PLS3: variants seen among roughly 807,000 people sequenced by gnomAD.
PLS3 encodes plastin 3.
PLS3 carries 11 observed loss-of-function variants against 46.5 expected under a neutral mutation model. The observed-to-expected ratio is 0.24, with a 90% CI of 0.15 to 0.39. The LOEUF (loss-of-function observed/expected upper bound fraction) is 0.39, where lower values mean the gene tolerates loss of function less well. PLS3 is among the 10% of genes least tolerant of loss of function. The probability of loss-of-function intolerance (pLI) is 1.00; values close to 1 mark genes in which losing one functional copy is unlikely to be tolerated. For missense variants in PLS3, 308 were observed against 461.8 expected (o/e 0.67, Z 3.05); for synonymous variants, 167 against 162.2 (o/e 1.03, Z -0.22).
At chrX:115,581,555 T>C (rs782497850) in intron 1 of PLS3, among the ~76,000 whole-genome samples, 19 of 112,019 alleles carry the variant, frequency 1.7e-4, no homozygotes, top group Non-Finnish European at 3.0e-4. Context: ...ACTGAAGAGA[T>C]AATGTCACCT....
chrX:115,593,598 G>T (rs370675011), intron 1 of PLS3: 1 of 110,974 alleles, frequency 9.0e-6, no homozygotes, highest in Admixed American at 9.7e-5. Flanking sequence ...TATCAGTGCT[G>T]CGAGAAAGGA....
intron 7 of PLS3, among the ~76,000 whole-genome samples, chrX:115,635,934 G>T (rs990760428): frequency 9.2e-6 from 1 of 108,730 alleles, no homozygotes; most frequent in African/African-American, 3.3e-5. Flanking sequence ...AGGTTGCAGC[G>T]AGCCGAGATC....
chrX:115,565,607 G>A (rs2074167256), intron 1 of PLS3, among the ~76,000 whole-genome samples: 1 of 111,706 alleles, frequency 9.0e-6, no homozygotes, highest in African/African-American at 3.2e-5. Flanking sequence ...TTGGTTTGCT[G>A]GGTTTTATTT....
intron 13 of PLS3, among the ~76,000 whole-genome samples, chrX:115,647,149 T>TA (rs2074959586): frequency 9.0e-6 from 1 of 111,577 alleles, no homozygotes; most frequent in African/African-American, 3.3e-5. Context: ...TTAAGGAATA[T>TA]AGGGGCCAGG....
chrX:115,644,702 G>C (rs782803720), intron 10 of PLS3, among the ~76,000 whole-genome samples: 1 of 111,552 alleles, frequency 9.0e-6, no homozygotes, highest in East Asian at 2.8e-4. Flanking sequence ...GATAACATCA[G>C]TTACTTTGAG....
chrX:115,620,317 T>C (rs1556637324), intron 2 of PLS3, among the ~76,000 whole-genome samples: 1 of 111,262 alleles, frequency 9.0e-6, no homozygotes, highest in East Asian at 2.8e-4. Context: ...ACTTTGCATT[T>C]GCTATTTTCT....
rs1401624009 is a variant in PLS3, at chrX:115,561,181, CAA to C, written c.-86_-85del. On this transcript the variant is annotated 5_prime_UTR_variant, in exon 1 of 16. Transcript: ENST00000355899. ...AGCGCTGGCTTTAGAGCCACAGCTGCAAAGATTCCGAGGTGCAGAAGTTGTCT... is the reference window on the plus strand; with the variant it reads ...AGCGCTGGCTTTAGAGCCACAGCTGCAGATTCCGAGGTGCAGAAGTTGTCT... The C allele has an allele frequency of 1.8e-5, 2 of 112,572 alleles. No individual in the cohort carries two copies. Among genetic ancestry groups the C allele is most frequent in the Admixed American group, 9.4e-5 (1 of 10,648 alleles). The allele number at this position is 112,572 out of a possible 1,213,427, so 9.3% of individuals were successfully genotyped here.
Position 115,622,253 on chromosome X carries a change from C to T in PLS3, c.81C>T (p.Asn27=). The change falls in exon 3 of 16, where the codon AAC becomes AAT. Residue 27 remains asparagine (N), a synonymous_variant. Coordinates refer to ENST00000355899, the MANE Select transcript of PLS3 (RefSeq NM_005032.7). ...LKEAFAKVDL[N]SNGFICDYEL... ...CTCTCCTTTTTTACAAAGATCTCAA[C>T]AGCAACGGATTCATTTGTGACTATG... 8.4e-7 allele frequency: 1 copy of T among 1,195,892 alleles called. No individual in the cohort carries two copies. The highest frequency in any genetic ancestry group is 1.1e-6 in the Non-Finnish European group (1 of 888,197).
At chrX:115,577,688 G>A (rs1158215218) in intron 1 of PLS3, among the ~76,000 whole-genome samples, 1 of 110,854 alleles carries the variant, frequency 9.0e-6, no homozygotes, top group Non-Finnish European at 1.9e-5. Flanking sequence ...ATGTTGGCCA[G>A]GCTGATCTGG....
intron 9 of PLS3, among the ~76,000 whole-genome samples, chrX:115,642,123 T>A (rs1425299615): frequency 9.5e-6 from 1 of 105,486 alleles, no homozygotes; most frequent in East Asian, 3.1e-4. Context: ...AAGCAATCCT[T>A]CTGCCTCGGC....
intron 2 of PLS3, among the ~76,000 whole-genome samples, chrX:115,615,429 A>C (rs1327791540): frequency 9.3e-6 from 1 of 107,030 alleles, no homozygotes; most frequent in Non-Finnish European, 1.9e-5. Context: ...TACTTGGTAA[A>C]AGAGAATAAT....
intron 1 of PLS3, among the ~76,000 whole-genome samples, chrX:115,563,697 C>G (rs1285917394): frequency 8.9e-6 from 1 of 112,007 alleles, no homozygotes; most frequent in African/African-American, 3.2e-5. Context: ...GACCGGAGCA[C>G]TCCAGTTTCT....
chrX:115,636,814 G>A, intron 7 of PLS3, 22 bp from the exon 8 acceptor site: 2 of 1,133,747 alleles, frequency 1.8e-6, no homozygotes, highest in Non-Finnish European at 1.2e-6. Flanking sequence ...ATAACTGTGG[G>A]ATTTTTTTTT....
intron 7 of PLS3, 128 bp downstream of exon 7, chrX:115,635,174 T>C (rs2074818162): frequency 1.1e-5 from 6 of 532,577 alleles, no homozygotes; most frequent in South Asian, 7.7e-5. Context: ...GGTAATGCTA[T>C]AGAGTTATTC....
intron 3 of PLS3, among the ~76,000 whole-genome samples, chrX:115,623,468 C>T (rs1170645356): frequency 1.8e-5 from 2 of 111,901 alleles, no homozygotes; most frequent in African/African-American, 6.5e-5. Flanking sequence ...CTGCAGTGAG[C>T]TGTGATAACA....
At chrX:115,635,810 C>T (rs782531329) in intron 7 of PLS3, among the ~76,000 whole-genome samples, 7 of 108,084 alleles carry the variant, frequency 6.5e-5, no homozygotes, top group African/African-American at 1.7e-4. Flanking sequence ...GCTAACATGG[C>T]GGAACCCCGT....
intron 2 of PLS3, among the ~76,000 whole-genome samples, chrX:115,621,028 T>C (rs1454465450): frequency 9.2e-6 from 1 of 108,138 alleles, no homozygotes; most frequent in African/African-American, 3.4e-5. Flanking sequence ...TTATATATTT[T>C]TTTGAGACGG....
chrX:115,645,945 A>G (rs2074947093), intron 11 of PLS3, 127 bp from the exon 12 acceptor site: 1 of 471,522 alleles, frequency 2.1e-6, no homozygotes, highest in African/African-American at 2.4e-5. Context: ...GATTGATAGA[A>G]AATATGAGTC....
chrX:115,586,677 C>A (rs1444826417), intron 1 of PLS3, among the ~76,000 whole-genome samples: 6 of 78,433 alleles, frequency 7.6e-5, no homozygotes, highest in African/African-American at 2.3e-4. Context: ...GACTCCGTCT[C>A]AAAAAAAAAA....
Sources: gnomAD v4.1 joint callset for allele counts (sites outside exome capture counted in the v4.1 genomes callset) on GRCh38, gnomAD v4.1.1 for gene constraint, MANE v1.5 for transcripts, NCBI Gene and HGNC (gene_info 2026-07-23, HGNC 2026-07-21) for gene names.